The following IREB2 variants were observed in gnomAD, a reference collection of about 807,000 sequenced individuals.
IREB2 encodes the protein iron responsive element binding protein 2, also known as iron-responsive element-binding protein 2.
In IREB2, 39 loss-of-function variants were observed where a neutral mutation model predicts 118.8. The ratio of observed to expected loss-of-function variants is 0.33; its 90% CI spans 0.25 to 0.43. The LOEUF is 0.43. Among genes scored for constraint, IREB2 ranks in the 20% least tolerant of loss-of-function variants. The pLI, the probability that IREB2 is intolerant of heterozygous loss-of-function variation, is 1.00. For synonymous variants in IREB2, 372 were observed against 392.2 expected, an observed-to-expected ratio of 0.95 and a Z score of 0.61; for missense variants, 900 against 1,147.3, an observed-to-expected ratio of 0.78 and a Z score of 3.11.
intron 18 of IREB2, among the ~76,000 whole-genome samples, chr15:78,491,729 C>T (rs1181844708): frequency 1.3e-5 from 2 of 152,120 alleles, no homozygotes. Context: ...AACTCCTGAC[C>T]AAGTGATCCG....
intron 3 of IREB2, among the ~76,000 whole-genome samples, chr15:78,464,066 C>A (rs1352541766): frequency 6.6e-6 from 1 of 152,200 alleles, no homozygotes; most frequent in African/African-American, 2.4e-5. Flanking sequence ...TTCTTTCCAT[C>A]TCTATCACTG....
At chr15:78,441,883 TTTTTA>T (rs557686274) in intron 2 of IREB2, among the ~76,000 whole-genome samples, 14 of 151,946 alleles carry the variant, frequency 9.2e-5, no homozygotes, top group East Asian at 5.8e-4. Context: ...AGTACCCTGG[TTTTTA>T]TTTTATTTTA....
At chr15:78,492,211 T>C (rs1170379319) in intron 18 of IREB2, among the ~76,000 whole-genome samples, 1 of 152,124 alleles carries the variant, frequency 6.6e-6, no homozygotes, top group Non-Finnish European at 1.5e-5. Flanking sequence ...TATTTTTCCC[T>C]AAAAAGTTAT....
At chr15:78,474,133 C>T (rs2051425697) in intron 8 of IREB2, 3 of 152,280 alleles carry the variant, frequency 2.0e-5, no homozygotes, top group African/African-American at 4.8e-5. Flanking sequence ...TAATTTGTAA[C>T]TCTTCTTCCT....
intron 7 of IREB2, among the ~76,000 whole-genome samples, chr15:78,472,368 TTTTTC>T (rs2051394236): frequency 6.6e-6 from 1 of 151,744 alleles, no homozygotes; most frequent in Non-Finnish European, 1.5e-5. Flanking sequence ...TTTTTTTTTC[TTTTTC>T]TTTTTTTTTT....
intron 10 of IREB2, among the ~76,000 whole-genome samples, chr15:78,480,686 TAA>T (rs373261767): frequency 1.1e-5 from 1 of 89,738 alleles, no homozygotes. Context: ...GAGACTGTCT[TAA>T]AAAAAAAAAA....
intron 5 of IREB2, among the ~76,000 whole-genome samples, chr15:78,466,877 A>G (rs770654042): frequency 6.6e-6 from 1 of 151,996 alleles, no homozygotes; most frequent in African/African-American, 2.4e-5. Context: ...TATTTTTAAC[A>G]TTTTTTTCCT....
chr15:78,464,785 C>T (rs1242311090), intron 3 of IREB2, among the ~76,000 whole-genome samples: 1 of 152,116 alleles, frequency 6.6e-6, no homozygotes, highest in African/African-American at 2.4e-5. Flanking sequence ...CTTATTTGGC[C>T]TTGTACCATT....
In IREB2 at chr15:78,462,932, T is replaced by G. The variant is rs1438716063; in HGVS notation, c.117T>G (p.Pro39=). The part of the protein sequence containing the change: ...SKLGTKYDVL[P]YSIRVLLEAA... ...ATTTTCTTGAATCAGATGTTCTGCC[T>G]TACTCAATACGGGTCTTGTTGGAAG... is the stretch of plus-strand genomic sequence containing the variant. The change falls in exon 3 of 22, where the codon CCT becomes CCG. Residue 39 remains proline, a synonymous_variant. Coordinates refer to ENST00000258886, the MANE Select transcript of IREB2 (RefSeq NM_004136.4). 9 of 1,601,696 alleles carry G rather than the reference T, an allele frequency of 5.6e-6. No homozygotes were observed. Among genetic ancestry groups the G allele is most frequent in the African/African-American group, 1.3e-5 (1 of 74,210 alleles).
chr15:78,443,089 A>G (rs1356185165), intron 2 of IREB2, among the ~76,000 whole-genome samples: 3 of 152,194 alleles, frequency 2.0e-5, no homozygotes, highest in Non-Finnish European at 2.9e-5. Flanking sequence ...CCGTGTATGT[A>G]CTGTTTGGTA....
chr15:78,458,287 G>C (rs183922703), intron 2 of IREB2, among the ~76,000 whole-genome samples: 1 of 152,224 alleles, frequency 6.6e-6, no homozygotes, highest in Admixed American at 6.6e-5. Flanking sequence ...TAAACTGTGG[G>C]GTTGGGGTGA....
intron 16 of IREB2, among the ~76,000 whole-genome samples, chr15:78,489,409 C>T (rs1402974536): frequency 6.6e-6 from 1 of 152,084 alleles, no homozygotes; most frequent in Non-Finnish European, 1.5e-5. Context: ...ATTAGGTGTT[C>T]AGAATACATC....
At chr15:78,479,077 A>G (rs1436028434) in intron 10 of IREB2, among the ~76,000 whole-genome samples, 1 of 151,902 alleles carries the variant, frequency 6.6e-6, no homozygotes, top group African/African-American at 2.4e-5. Flanking sequence ...AGCCACCACC[A>G]TGCTTAACCC....
intron 5 of IREB2, among the ~76,000 whole-genome samples, chr15:78,469,210 T>C (rs1436369527): frequency 2.0e-5 from 3 of 152,164 alleles, no homozygotes; most frequent in Non-Finnish European, 4.4e-5. Flanking sequence ...GAGCATAACC[T>C]TTGGCACTTC....
intron 2 of IREB2, among the ~76,000 whole-genome samples, chr15:78,449,748 G>A (rs538364918): frequency 1.4e-4 from 21 of 152,302 alleles, no homozygotes; most frequent in African/African-American, 4.6e-4. Context: ...AGTCTTGGGA[G>A]CCTTGGTTTG....
Position 78,463,052 on chromosome 15 carries a change from CT to C in IREB2, c.242del (p.Phe81SerfsTer22). On this transcript the variant is annotated frameshift_variant, in exon 3 of 22. Coordinates refer to ENST00000258886, the MANE Select transcript of IREB2 (RefSeq NM_004136.4). LOFTEE classifies it high-confidence loss of function. ...KTKQSNVEVP[F>X]FPARVLLQDF... ...CCAAACAAAGCAATGTTGAAGTGCC[CT>C]TTTTCCCTGCCCGTGTTCTTCTTCA... 1 of 1,608,634 alleles carries C rather than the reference CT, an allele frequency of 6.2e-7. No individual in the cohort carries two copies. The highest frequency in any genetic ancestry group is 1.7e-5 in the Admixed American group (1 of 58,308).
chr15:78,484,309 C>A (rs1401936981), intron 11 of IREB2, among the ~76,000 whole-genome samples: 2 of 152,132 alleles, frequency 1.3e-5, no homozygotes, highest in Non-Finnish European at 2.9e-5. Context: ...CACTGAATTG[C>A]CATGTACCTG....
intron 2 of IREB2, among the ~76,000 whole-genome samples, chr15:78,447,080 G>C (rs1405947166): frequency 6.6e-6 from 1 of 152,092 alleles, no homozygotes; most frequent in Non-Finnish European, 1.5e-5. Context: ...GGTCAGATCA[G>C]ACTCTTTGTT....
intron 2 of IREB2, among the ~76,000 whole-genome samples, chr15:78,461,195 A>G (rs2051190985): frequency 6.6e-6 from 1 of 152,172 alleles, no homozygotes; most frequent in Non-Finnish European, 1.5e-5. Flanking sequence ...CTAACTCACT[A>G]TCTCTGCTTT....
Sources: gnomAD v4.1 joint callset for allele counts (sites outside exome capture counted in the v4.1 genomes callset) on GRCh38, gnomAD v4.1.1 for gene constraint, MANE v1.5 for transcripts, NCBI Gene and HGNC (gene_info 2026-07-23, HGNC 2026-07-21) for gene names.